The following CNTNAP2 variants were observed in gnomAD, a reference collection of about 807,000 sequenced individuals.
The protein encoded by CNTNAP2 is contactin associated protein 2.
CNTNAP2 carries 98 observed loss-of-function variants against 155.2 expected under a neutral mutation model. The observed-to-expected ratio is 0.63, with a 90% CI of 0.54 to 0.75. The LOEUF is 0.75. Among genes scored for constraint, CNTNAP2 ranks in the 30% least tolerant of loss-of-function variants. The pLI, the probability that CNTNAP2 is intolerant of heterozygous loss-of-function variation, is 0.00. For synonymous variants in CNTNAP2, 651 were observed against 631.2 expected (o/e 1.03, Z -0.47); for missense variants, 1,727 against 1,688.1 (o/e 1.02, Z -0.40).
At chr7:147,818,488 A>G (rs753387221) in intron 13 of CNTNAP2, among the ~76,000 whole-genome samples, 4 of 152,164 alleles carry the variant, frequency 2.6e-5, no homozygotes, top group Non-Finnish European at 2.9e-5. Flanking sequence ...ATGAGTGCCA[A>G]GTGATGGATG....
intron 15 of CNTNAP2, among the ~76,000 whole-genome samples, chr7:147,984,667 A>G (rs1051650120): frequency 1.4e-4 from 22 of 152,168 alleles, no homozygotes; most frequent in African/African-American, 5.3e-4. Flanking sequence ...CTCACAAGGC[A>G]GGTTAATAGA....
intron 1 of CNTNAP2, among the ~76,000 whole-genome samples, chr7:146,674,338 G>A (rs987409542): frequency 6.6e-6 from 1 of 152,076 alleles, no homozygotes; most frequent in Non-Finnish European, 1.5e-5. Context: ...TACTTTCTTA[G>A]TAATATTTTG....
intron 13 of CNTNAP2, among the ~76,000 whole-genome samples, chr7:147,877,051 G>C (rs1371974274): frequency 1.3e-5 from 2 of 152,192 alleles, no homozygotes; most frequent in Non-Finnish European, 2.9e-5. Flanking sequence ...GGAAAAAAGT[G>C]GTAGCCAGTC....
intron 14 of CNTNAP2, among the ~76,000 whole-genome samples, chr7:147,963,822 A>G (rs1256996773): frequency 6.6e-6 from 1 of 152,138 alleles, no homozygotes; most frequent in Non-Finnish European, 1.5e-5. Context: ...ACATATTAGT[A>G]TACCCATGAA....
At chr7:146,201,153 G>GT (rs1434506567) in intron 1 of CNTNAP2, among the ~76,000 whole-genome samples, 1 of 151,782 alleles carries the variant, frequency 6.6e-6, no homozygotes, top group African/African-American at 2.4e-5. Flanking sequence ...TTTTCTTATG[G>GT]TATCAATGAG....
intron 9 of CNTNAP2, among the ~76,000 whole-genome samples, chr7:147,390,209 T>A (rs1451929322): frequency 1.3e-5 from 2 of 152,188 alleles, no homozygotes; most frequent in African/African-American, 4.8e-5. Flanking sequence ...GAACTGTCAA[T>A]ATTCCACCAG....
chr7:148,172,137 A>G, intron 17 of CNTNAP2, 105 bp from the exon 18 acceptor site: 1 of 1,072,890 alleles, frequency 9.3e-7, no homozygotes, highest in Non-Finnish European at 1.4e-6. Context: ...ACAATACTAG[A>G]TGTGCTATGC....
chr7:147,516,851 T>TTC (rs1554400858), intron 11 of CNTNAP2, among the ~76,000 whole-genome samples: 15 of 145,158 alleles, frequency 1.0e-4, no homozygotes, highest in African/African-American at 3.3e-4. Context: ...TTCTTTTCTT[T>TTC]TTTTTTTTTT....
At chr7:147,692,770 G>A (rs1462112708) in intron 13 of CNTNAP2, among the ~76,000 whole-genome samples, 6 of 152,032 alleles carry the variant, frequency 3.9e-5, no homozygotes, top group East Asian at 1.9e-4. Context: ...TGTCTTTTGC[G>A]TACCTTTTCC....
intron 1 of CNTNAP2, among the ~76,000 whole-genome samples, chr7:146,417,677 C>G (rs1398827442): frequency 6.6e-6 from 1 of 151,966 alleles, no homozygotes; most frequent in East Asian, 1.9e-4. Context: ...TTGGTGTTGG[C>G]ATAAAAGGTA....
At chr7:147,942,600 G>T (rs1468766438) in intron 14 of CNTNAP2, among the ~76,000 whole-genome samples, 4 of 152,002 alleles carry the variant, frequency 2.6e-5, no homozygotes, top group Non-Finnish European at 5.9e-5. Context: ...TATTTTAGAG[G>T]CTTCATATTT....
At chr7:146,705,676 C>T (rs991455382) in intron 1 of CNTNAP2, among the ~76,000 whole-genome samples, 2 of 152,030 alleles carry the variant, frequency 1.3e-5, no homozygotes, top group Admixed American at 6.6e-5. Flanking sequence ...AGCAAAGAGA[C>T]GTCTTACATG....
At chr7:148,166,173 C>A (rs1298661769) in intron 17 of CNTNAP2, among the ~76,000 whole-genome samples, 1 of 151,994 alleles carries the variant, frequency 6.6e-6, no homozygotes, top group African/African-American at 2.4e-5. Context: ...CACCTTCTAA[C>A]ACACAGTATA....
chr7:147,130,628 T>A (rs1801333791), intron 7 of CNTNAP2, among the ~76,000 whole-genome samples: 1 of 152,142 alleles, frequency 6.6e-6, no homozygotes, highest in Non-Finnish European at 1.5e-5. Context: ...AAATAGGACA[T>A]TTTGCAAGCA....
chr7:146,316,761 T>C (rs571392062), intron 1 of CNTNAP2, among the ~76,000 whole-genome samples: 1 of 138,834 alleles, frequency 7.2e-6, no homozygotes, highest in African/African-American at 3.4e-5. Context: ...TTTTTTAATT[T>C]TTTTTTTTTT....
intron 15 of CNTNAP2, among the ~76,000 whole-genome samples, chr7:148,088,717 G>A (rs147095532): frequency 2.7e-4 from 41 of 151,978 alleles, no homozygotes; most frequent in African/African-American, 9.4e-4. Context: ...CTTTACTGCT[G>A]AATTCTACCA....
At chr7:147,675,327 C>A (rs1795851946) in intron 13 of CNTNAP2, among the ~76,000 whole-genome samples, 1 of 152,036 alleles carries the variant, frequency 6.6e-6, no homozygotes, top group Non-Finnish European at 1.5e-5. Context: ...AACATATCTG[C>A]AAAAATCCAA....
chr7:146,645,155 C>T (rs926207498), intron 1 of CNTNAP2, among the ~76,000 whole-genome samples: 3 of 152,080 alleles, frequency 2.0e-5, no homozygotes, highest in African/African-American at 7.2e-5. Context: ...TAATGTAAGC[C>T]CCAAAGATCA....
chr7:147,371,241 T>C (rs774578497), intron 9 of CNTNAP2, among the ~76,000 whole-genome samples: 3 of 152,154 alleles, frequency 2.0e-5, no homozygotes, highest in Admixed American at 6.5e-5. Flanking sequence ...TGGAATTAGC[T>C]GAGTGATCTA....
Sources: gnomAD v4.1 joint callset for allele counts (sites outside exome capture counted in the v4.1 genomes callset) on GRCh38, gnomAD v4.1.1 for gene constraint, MANE v1.5 for transcripts, NCBI Gene and HGNC (gene_info 2026-07-23, HGNC 2026-07-21) for gene names.